ARID4B: variants seen among roughly 807,000 people sequenced by gnomAD.
ARID4B encodes AT-rich interaction domain 4B, also known as AT-rich interactive domain-containing protein 4B.
A neutral mutation model predicts 147.5 loss-of-function variants in ARID4B; 26 were observed. The observed-to-expected ratio is 0.18, with a 90% CI of 0.13 to 0.24. ARID4B has a LOEUF of 0.24. ARID4B is among the 10% of genes least tolerant of loss of function. The pLI is 1.00. For synonymous variants in ARID4B, 512 were observed against 507.9 expected (o/e 1.01, Z -0.11); for missense variants, 1,179 against 1,511.5 (o/e 0.78, Z 3.65).
chr1:235,201,455 T>C (rs879360353), intron 17 of ARID4B, among the ~76,000 whole-genome samples: 6 of 151,906 alleles, frequency 3.9e-5, no homozygotes, highest in East Asian at 1.9e-4. Flanking sequence ...TCCTGAACAG[T>C]TGGGACTCCA....
intron 2 of ARID4B, among the ~76,000 whole-genome samples, chr1:235,283,491 C>T (rs970834471): frequency 9.9e-5 from 15 of 152,112 alleles, no homozygotes; most frequent in Non-Finnish European, 1.8e-4. Context: ...GTCTGAATTA[C>T]GAGTGATCTT....
At chr1:235,230,394 G>A (rs1027691524) in intron 10 of ARID4B, among the ~76,000 whole-genome samples, 5 of 150,032 alleles carry the variant, frequency 3.3e-5, no homozygotes, top group Non-Finnish European at 5.9e-5. Flanking sequence ...GGGCGACAGA[G>A]CAAGACTCCA....
intron 17 of ARID4B, among the ~76,000 whole-genome samples, chr1:235,208,670 T>C (rs1164177439): frequency 7.5e-6 from 1 of 133,794 alleles, no homozygotes; most frequent in Admixed American, 8.1e-5. Context: ...GCCTGGCTAA[T>C]TTTGTGTTTT....
At chr1:235,200,049 T>C (rs1447906476) in intron 17 of ARID4B, among the ~76,000 whole-genome samples, 2 of 148,954 alleles carry the variant, frequency 1.3e-5, no homozygotes, top group Non-Finnish European at 3.0e-5. Flanking sequence ...CCGGGCACGG[T>C]GGCTCACACC....
intron 21 of ARID4B, among the ~76,000 whole-genome samples, chr1:235,177,463 T>C (rs999845102): frequency 6.6e-6 from 1 of 152,192 alleles, no homozygotes; most frequent in Non-Finnish European, 1.5e-5. Context: ...TGTTTGTTTT[T>C]GCAGAAATTC....
At chr1:235,265,612 C>T (rs186193907) in intron 2 of ARID4B, among the ~76,000 whole-genome samples, 33 of 151,818 alleles carry the variant, frequency 2.2e-4, no homozygotes, top group Admixed American at 6.6e-4. Context: ...GGTGGGAGGA[C>T]CACTTCAGCC....
At chr1:235,271,155 C>T (rs10925287) in intron 2 of ARID4B, among the ~76,000 whole-genome samples, 44,638 of 151,806 alleles carry the variant, frequency 0.29, 7,658 homozygotes, top group South Asian at 0.53. Context: ...GAGTTTGAGA[C>T]GAGCCTGGGC....
chr1:235,313,633 G>C (rs767260518), intron 2 of ARID4B, among the ~76,000 whole-genome samples: 5 of 152,152 alleles, frequency 3.3e-5, no homozygotes. Flanking sequence ...CAGAAAATAA[G>C]TATCTTCAGT....
At chr1:235,288,867 T>A (rs1174043045) in intron 2 of ARID4B, among the ~76,000 whole-genome samples, 1 of 152,198 alleles carries the variant, frequency 6.6e-6, no homozygotes, top group African/African-American at 2.4e-5. Context: ...TTAGTTACAG[T>A]TAAGTGTTCT....
At chr1:235,240,186 G>T in intron 8 of ARID4B, 127 bp downstream of exon 8, 1 of 835,956 alleles carries the variant, frequency 1.2e-6, no homozygotes, top group Non-Finnish European at 1.8e-6. Context: ...AGTAAGCTTA[G>T]TGTGAACTAA....
At chr1:235,312,366 A>G (rs1207210659) in intron 2 of ARID4B, among the ~76,000 whole-genome samples, 1 of 152,228 alleles carries the variant, frequency 6.6e-6, no homozygotes, top group East Asian at 1.9e-4. Context: ...AACAAAATAA[A>G]TACTCATGTT....
At chr1:235,287,622 C>T (rs1191827417) in intron 2 of ARID4B, among the ~76,000 whole-genome samples, 2 of 152,206 alleles carry the variant, frequency 1.3e-5, no homozygotes, top group Non-Finnish European at 2.9e-5. Flanking sequence ...TTTCTGTTGA[C>T]ACCTTTATTC....
intron 2 of ARID4B, among the ~76,000 whole-genome samples, chr1:235,282,844 G>C (rs963226284): frequency 6.6e-6 from 1 of 151,920 alleles, no homozygotes; most frequent in Non-Finnish European, 1.5e-5. Flanking sequence ...GCAGTGGCAC[G>C]ATCTCGGCTC....
At position 235,260,631 on chromosome 1, in the gene ARID4B, A is replaced by G. The variant is rs748495834; in HGVS notation, c.117+11T>C. The G allele has an allele frequency of 2.3e-5, 36 of 1,557,426 alleles. No homozygotes were observed. Among genetic ancestry groups the G allele is most frequent in the Non-Finnish European group, 3.1e-5 (35 of 1,146,300 alleles). ...TGAACATACAATTTATGAAATCTAT[A>G]AATACTGTACCTTGACTTTGACAAG... On this transcript the variant is annotated intron_variant, in intron 3 of 23. Transcript: ENST00000264183.
rs67278012 is a variant in ARID4B at position 235,230,411 on chromosome 1, AAAAACAAAACAAAAC to A, written c.742+687_742+701del. Reference sequence around the variant, plus strand: ...GCGACAGAGCAAGACTCCATCTCAAAAAAACAAAACAAAACAAAACAAAACAAAACAAAAAAAACA... The same window carrying A: ...GCGACAGAGCAAGACTCCATCTCAAAAAAACAAAACAAAACAAAAAAAACA... On this transcript the variant is annotated intron_variant, in intron 10 of 23. Transcript: ENST00000264183. Among the ~76,000 whole-genome samples, 268 of 146,444 alleles carry A rather than the reference AAAAACAAAACAAAAC, an allele frequency of 1.8e-3. 1 individual carries two copies. The highest frequency in any genetic ancestry group is 3.4e-3 in the Non-Finnish European group (226 of 66,694).
At chr1:235,185,990 A>G (rs2102935493) in intron 19 of ARID4B, among the ~76,000 whole-genome samples, 1 of 130,552 alleles carries the variant, frequency 7.7e-6, no homozygotes, top group Admixed American at 8.3e-5. Flanking sequence ...TTTTTTTTTG[A>G]GACTGAGTCT....
At chr1:235,303,680 G>GGC (rs2103254905) in intron 2 of ARID4B, among the ~76,000 whole-genome samples, 1 of 152,320 alleles carries the variant, frequency 6.6e-6, no homozygotes, top group Non-Finnish European at 1.5e-5. Flanking sequence ...AGTGAGCTAT[G>GGC]ATCATGCCAT....
At chr1:235,270,264 CAGAG>C (rs1325164074) in intron 2 of ARID4B, among the ~76,000 whole-genome samples, 3 of 152,086 alleles carry the variant, frequency 2.0e-5, no homozygotes, top group Non-Finnish European at 4.4e-5. Flanking sequence ...GCCCGGGCGA[CAGAG>C]AGAGACTCCG....
At chr1:235,199,837 C>CT (rs1665764867) in intron 17 of ARID4B, among the ~76,000 whole-genome samples, 1 of 152,118 alleles carries the variant, frequency 6.6e-6, no homozygotes. Flanking sequence ...CTTTAGTTGT[C>CT]TGATAGATCT....
Sources: gnomAD v4.1 joint callset for allele counts (sites outside exome capture counted in the v4.1 genomes callset) on GRCh38, gnomAD v4.1.1 for gene constraint, MANE v1.5 for transcripts, NCBI Gene and HGNC (gene_info 2026-07-23, HGNC 2026-07-21) for gene names.